Variants in EMP2 observed in about 807,000 individuals in gnomAD.
EMP2 encodes epithelial membrane protein 2.
In EMP2, 19 loss-of-function variants were observed where a neutral mutation model predicts 13.7. The observed-to-expected ratio is 1.38, with a 90% CI of 0.97 to 2.03. The LOEUF is 2.03. Among genes scored for constraint, EMP2 ranks in the 30% most tolerant of loss-of-function variants. The pLI is 0.00. For synonymous variants in EMP2, 97 were observed against 84.7 expected, an observed-to-expected ratio of 1.15 and a Z score of -0.80; for missense variants, 253 against 220.7, an observed-to-expected ratio of 1.15 and a Z score of -0.93.
At chr16:10,538,210 G>C in intron 3 of EMP2, 136 bp from the exon 4 acceptor site, 1 of 1,080,046 alleles carries the variant, frequency 9.3e-7, no homozygotes, top group East Asian at 2.5e-5. Context: ...CGTCTACATG[G>C]TCTGAGCACA....
chr16:10,558,455 G>C (rs1465118922), intron 1 of EMP2, among the ~76,000 whole-genome samples: 4 of 149,340 alleles, frequency 2.7e-5, no homozygotes, highest in Non-Finnish European at 4.4e-5. Flanking sequence ...GTCCAGCTAT[G>C]CCTTAGTCCA....
chr16:10,569,884 G>A (rs560633358), intron 1 of EMP2, among the ~76,000 whole-genome samples: 10 of 152,212 alleles, frequency 6.6e-5, no homozygotes, highest in South Asian at 2.1e-4. Context: ...CATGCCACTC[G>A]GGCCTGATGT....
intron 1 of EMP2, among the ~76,000 whole-genome samples, chr16:10,579,708 G>GCACACACACACACACACA (rs71133370): frequency 2.0e-5 from 3 of 146,668 alleles, no homozygotes; most frequent in Non-Finnish European, 3.0e-5. Context: ...AGATCAAGGT[G>GCACACACACACACACACA]CACACACACA....
chr16:10,551,908 G>C (rs967673254), intron 1 of EMP2, among the ~76,000 whole-genome samples: 1 of 152,038 alleles, frequency 6.6e-6, no homozygotes, highest in Admixed American at 6.6e-5. Context: ...TGAGACCCAG[G>C]ACACACTAAC....
intron 1 of EMP2, chr16:10,576,613 A>C (rs1451849793): frequency 6.6e-6 from 1 of 151,814 alleles, no homozygotes; most frequent in Admixed American, 6.6e-5. Context: ...AAGCTTCTAG[A>C]AGCTGATGTC....
chr16:10,578,256 T>A (rs1425458268), intron 1 of EMP2: 1 of 152,188 alleles, frequency 6.6e-6, no homozygotes, highest in African/African-American at 2.4e-5. Context: ...ATCCTCCCTG[T>A]TAATTACCTG....
At chr16:10,579,053 G>C (rs2051003766) in intron 1 of EMP2, among the ~76,000 whole-genome samples, 1 of 152,198 alleles carries the variant, frequency 6.6e-6, no homozygotes, top group Non-Finnish European at 1.5e-5. Context: ...AACCGACTTA[G>C]ATCTCTAGCC....
At chr16:10,549,100 G>A (rs1019903315) in intron 1 of EMP2, among the ~76,000 whole-genome samples, 1 of 152,328 alleles carries the variant, frequency 6.6e-6, no homozygotes, top group African/African-American at 2.4e-5. Flanking sequence ...AGCCATAGTA[G>A]GTTGAAGCCT....
chr16:10,554,034 TC>T (rs1418037296), intron 1 of EMP2, among the ~76,000 whole-genome samples: 95 of 121,874 alleles, frequency 7.8e-4, no homozygotes, highest in Middle Eastern at 4.3e-3. Context: ...TTTCTTTCTT[TC>T]TTTTTTTTTT....
At chr16:10,539,770 T>A (rs959880218) in intron 3 of EMP2, among the ~76,000 whole-genome samples, 1 of 151,770 alleles carries the variant, frequency 6.6e-6, no homozygotes, top group Non-Finnish European at 1.5e-5. Context: ...ATGAAATAAA[T>A]CAGAACGTCG....
intron 1 of EMP2, among the ~76,000 whole-genome samples, chr16:10,549,158 T>G (rs2050762662): frequency 6.6e-6 from 1 of 152,228 alleles, no homozygotes. Flanking sequence ...AACCTCTGGA[T>G]GTTAAACCAC....
At chr16:10,576,830 T>C (rs952523437) in intron 1 of EMP2, 3 of 152,206 alleles carry the variant, frequency 2.0e-5, no homozygotes, top group Admixed American at 6.5e-5. Context: ...AGGGACTCAT[T>C]TGGCCAGTTC....
intron 1 of EMP2, among the ~76,000 whole-genome samples, chr16:10,551,937 T>TGAGCCAGGACCTCTCA (rs2050791677): frequency 6.6e-6 from 1 of 152,172 alleles, no homozygotes; most frequent in Admixed American, 6.6e-5. Flanking sequence ...AGGAGCTGTA[T>TGAGCCAGGACCTCTCA]GGCTGCAGAA....
At chr16:10,556,669 A>G (rs932086176) in intron 1 of EMP2, among the ~76,000 whole-genome samples, 1 of 152,246 alleles carries the variant, frequency 6.6e-6, no homozygotes, top group African/African-American at 2.4e-5. Context: ...TTCAGCTTAC[A>G]CAGCACATGC....
At chr16:10,565,094 G>C (rs1174196797) in intron 1 of EMP2, among the ~76,000 whole-genome samples, 1 of 152,206 alleles carries the variant, frequency 6.6e-6, no homozygotes, top group African/African-American at 2.4e-5. Context: ...TGTCACTCAT[G>C]TTTGGGAAGT....
intron 1 of EMP2, among the ~76,000 whole-genome samples, chr16:10,563,419 T>C (rs2050886177): frequency 6.6e-6 from 1 of 152,238 alleles, no homozygotes; most frequent in Non-Finnish European, 1.5e-5. Context: ...CTCAAACTCC[T>C]GACCTCAAAT....
At chr16:10,578,398 G>C (rs531022647) in intron 1 of EMP2, among the ~76,000 whole-genome samples, 50 of 152,356 alleles carry the variant, frequency 3.3e-4, no homozygotes, top group South Asian at 6.2e-4. Flanking sequence ...AAGGATTTAA[G>C]TGCCATTACT....
chr16:10,566,433 T>C (rs2050907165), intron 1 of EMP2, among the ~76,000 whole-genome samples: 1 of 152,186 alleles, frequency 6.6e-6, no homozygotes, highest in African/African-American at 2.4e-5. Flanking sequence ...GAGGGGAAAC[T>C]AGAGTTAAAG....
rs2050616108 is a variant in EMP2, at chr16:10,532,768, T to TTTTTC, written c.*136_*137insGAAAA. ...TTTTTTTTCTTTTTTCTTTTTTTTT[T>TTTTTC]TTTTTTTTTTTTTTTTTTGGCTTTT... On this transcript the variant is annotated 3_prime_UTR_variant, in exon 5 of 5. Transcript: ENST00000359543. 2 of 280,180 alleles carry TTTTTC rather than the reference T, an allele frequency of 7.1e-6. No homozygotes were observed. Among genetic ancestry groups the TTTTTC allele is most frequent in the African/African-American group, 5.7e-5 (2 of 35,120 alleles). 17.4% of individuals were successfully genotyped at this position (280,180 alleles called of 1,614,324 possible).
Sources: gnomAD v4.1 joint callset for allele counts (sites outside exome capture counted in the v4.1 genomes callset) on GRCh38, gnomAD v4.1.1 for gene constraint, MANE v1.5 for transcripts, NCBI Gene and HGNC (gene_info 2026-07-23, HGNC 2026-07-21) for gene names.